Variants in DCDC1 observed in about 807,000 individuals in gnomAD.
DCDC1 encodes the protein doublecortin domain containing 1.
A neutral mutation model predicts 178.3 loss-of-function variants in DCDC1; 200 were observed. The observed-to-expected ratio is 1.12, with a 90% CI of 1.00 to 1.26. The LOEUF is 1.26. Ranked by LOEUF, DCDC1 falls within the 50% of genes most tolerant of loss-of-function variation. The pLI is 0.00. For synonymous variants in DCDC1, 690 were observed against 604.8 expected, an observed-to-expected ratio of 1.14 and a Z score of -2.07; for missense variants, 1,983 against 1,749.2, an observed-to-expected ratio of 1.13 and a Z score of -2.38.
chr11:30,981,521 C>T (rs1364860963), intron 20 of DCDC1, among the ~76,000 whole-genome samples: 1 of 151,950 alleles, frequency 6.6e-6, no homozygotes, highest in African/African-American at 2.4e-5. Context: ...TTATTATATG[C>T]CAATTTATAT....
chr11:31,278,052 C>T (rs1946122371), intron 7 of DCDC1, among the ~76,000 whole-genome samples: 1 of 152,058 alleles, frequency 6.6e-6, no homozygotes, highest in South Asian at 2.1e-4. Flanking sequence ...GATCTGTGAT[C>T]AATTTAAATC....
intron 3 of DCDC1, among the ~76,000 whole-genome samples, chr11:31,321,555 T>G (rs1409176859): frequency 3.3e-5 from 5 of 152,116 alleles, no homozygotes; most frequent in South Asian, 2.1e-4. Context: ...CCCACTGTCT[T>G]GCACTCCCTA....
At chr11:31,026,121 G>A (rs1243951444) in intron 20 of DCDC1, among the ~76,000 whole-genome samples, 3 of 151,604 alleles carry the variant, frequency 2.0e-5, no homozygotes, top group Admixed American at 6.6e-5. Flanking sequence ...TTAATCATTG[G>A]GAATTTGTAT....
chr11:31,102,106 A>G (rs1363364544), intron 15 of DCDC1, 71 bp downstream of exon 15: 9 of 533,148 alleles, frequency 1.7e-5, no homozygotes, highest in Middle Eastern at 5.5e-4. Context: ...TGTCACAAAT[A>G]TTCATTATAT....
chr11:31,338,577 C>A (rs1277691154), intron 1 of DCDC1, among the ~76,000 whole-genome samples: 1 of 152,154 alleles, frequency 6.6e-6, no homozygotes, highest in Non-Finnish European at 1.5e-5. Context: ...CTAGCTGAAG[C>A]CTTTTTTCCA....
chr11:31,030,131 T>C (rs1276685545), intron 20 of DCDC1, among the ~76,000 whole-genome samples: 1 of 129,918 alleles, frequency 7.7e-6, no homozygotes, highest in Non-Finnish European at 1.6e-5. Context: ...AAGTCATGTA[T>C]ACAAATCATT....
chr11:30,943,124 A>G (rs1315725188), intron 21 of DCDC1: 1 of 151,290 alleles, frequency 6.6e-6, no homozygotes, highest in Middle Eastern at 3.2e-3. Flanking sequence ...ACACTGCTCT[A>G]TGTCACAGCT....
chr11:31,115,616 A>C (rs754609226), intron 11 of DCDC1, among the ~76,000 whole-genome samples: 11 of 152,280 alleles, frequency 7.2e-5, no homozygotes, highest in Non-Finnish European at 1.3e-4. Flanking sequence ...AGGTGAACAT[A>C]ATTAAACACA....
At chr11:31,117,650 T>C (rs146415304) in intron 11 of DCDC1, among the ~76,000 whole-genome samples, 225 of 151,694 alleles carry the variant, frequency 1.5e-3, no homozygotes, top group Middle Eastern at 0.01. Flanking sequence ...TTTTTTTAAA[T>C]AGTCTTACCC....
At chr11:31,135,626 G>A (rs1963033474) in intron 10 of DCDC1, among the ~76,000 whole-genome samples, 4 of 152,100 alleles carry the variant, frequency 2.6e-5, no homozygotes, top group African/African-American at 4.8e-5. Flanking sequence ...AGTATCAGAT[G>A]TACACACACA....
At chr11:31,108,802 G>T (rs1401086824) in intron 12 of DCDC1, among the ~76,000 whole-genome samples, 3 of 152,150 alleles carry the variant, frequency 2.0e-5, no homozygotes, top group Non-Finnish European at 4.4e-5. Context: ...ATTGGTTAGG[G>T]CTTTGCTGTG....
At chr11:31,245,930 G>A (rs1943525776) in intron 8 of DCDC1, among the ~76,000 whole-genome samples, 1 of 151,806 alleles carries the variant, frequency 6.6e-6, no homozygotes, top group African/African-American at 2.4e-5. Context: ...GATACATAAT[G>A]GAGGCAGTAC....
rs777759687 is a variant in DCDC1, at chr11:30,911,569, G to T, written c.3654-149C>A. On this transcript the variant is annotated intron_variant, in intron 27 of 38. Transcript: ENST00000684477. ...TTTAAGAATTTCTCCCCTACAGTAA[G>T]TGTGATGTTAAGCTTTCTCAGTAGA... 1.8e-5 allele frequency: 12 copies of T among 672,730 alleles called. No individual in the cohort carries two copies. The African/African-American group carries it at 2.0e-4, about 11-fold the overall frequency. The allele number at this position is 672,730 out of a possible 1,614,324, so 41.7% of individuals were successfully genotyped here.
chr11:31,143,809 AT>A (rs1728532553), intron 9 of DCDC1, among the ~76,000 whole-genome samples: 2 of 152,202 alleles, frequency 1.3e-5, no homozygotes, highest in South Asian at 4.1e-4. Flanking sequence ...CTGGCTGTGA[AT>A]TCTGGCTCTG....
intron 20 of DCDC1, among the ~76,000 whole-genome samples, chr11:30,999,702 C>T (rs1048110393): frequency 3.9e-5 from 6 of 151,962 alleles, no homozygotes; most frequent in African/African-American, 1.5e-4. Context: ...GACTCTTACA[C>T]ATCACTTCCA....
At chr11:30,994,433 A>G (rs1014951476) in intron 20 of DCDC1, among the ~76,000 whole-genome samples, 1 of 151,578 alleles carries the variant, frequency 6.6e-6, no homozygotes, top group African/African-American at 2.4e-5. Context: ...TTGAAACTAC[A>G]GGTACCCACG....
chr11:31,367,341 T>C (rs1451744959), intron 1 of DCDC1, among the ~76,000 whole-genome samples: 1 of 152,178 alleles, frequency 6.6e-6, no homozygotes, highest in Admixed American at 6.5e-5. Flanking sequence ...AGTTTCAAGC[T>C]TTCAGAAAAG....
Position 30,894,366 on chromosome 11 carries a change from C to T in DCDC1, c.4784G>A (p.Cys1595Tyr). 1.2e-6 allele frequency: 2 copies of T among 1,613,710 alleles called. No individual in the cohort carries two copies. The highest frequency in any genetic ancestry group is 8.5e-7 in the Non-Finnish European group (1 of 1,179,746). The change falls in exon 35 of 39, where the codon TGT (cysteine) becomes TAT (tyrosine). Residue 1595 changes from cysteine to tyrosine, a missense_variant. Transcript: ENST00000684477. ...RQLKGRRVAA[C>Y]QPATMVPTKS... ...GGTAGGAACCATGGTGGCTGGCTGACATGCCGCTACTCGCCGCCCTGAGGA... is the reference window on the plus strand; with the variant it reads ...GGTAGGAACCATGGTGGCTGGCTGATATGCCGCTACTCGCCGCCCTGAGGA...
chr11:30,890,249 T>TG (rs1314920174), intron 36 of DCDC1, among the ~76,000 whole-genome samples: 2 of 152,238 alleles, frequency 1.3e-5, no homozygotes, highest in African/African-American at 4.8e-5. Context: ...CATATGTATA[T>TG]GGGGTCTATC....
Sources: gnomAD v4.1 joint callset for allele counts (sites outside exome capture counted in the v4.1 genomes callset) on GRCh38, gnomAD v4.1.1 for gene constraint, MANE v1.5 for transcripts, NCBI Gene and HGNC (gene_info 2026-07-23, HGNC 2026-07-21) for gene names.